The following FLNB variants were observed in gnomAD, a reference collection of about 807,000 sequenced individuals.
The protein encoded by FLNB is filamin B.
Under a neutral mutation model 250.6 loss-of-function variants are expected in FLNB, and 111 were observed. The ratio of observed to expected loss-of-function variants is 0.44; its 90% CI spans 0.38 to 0.52. The LOEUF is 0.52. Among genes scored for constraint, FLNB ranks in the 20% least tolerant of loss-of-function variants. The pLI is 0.00. For synonymous variants in FLNB, 1,302 were observed against 1,372.1 expected, an observed-to-expected ratio of 0.95 and a Z score of 1.13; for missense variants, 2,869 against 3,447.8, an observed-to-expected ratio of 0.83 and a Z score of 4.20.
rs1248934240 is a variant in FLNB at position 58,130,627 on chromosome 3, T to C, written c.4223-114T>C. The C allele has an allele frequency of 6.0e-6, 6 of 1,001,810 alleles. No individual in the cohort carries two copies. The East Asian group carries it at 1.0e-4, about 18-fold the overall frequency. The allele number at this position is 1,001,810 out of a possible 1,614,324, so 62.1% of individuals were successfully genotyped here. A position where few individuals can be genotyped will look rare whatever the true frequency, so the allele number is the denominator to read the frequency against. The stretch of plus-strand genomic sequence containing the variant: ...GTGCACACAGTGAGGCAGGGGGAGC[T>C]GACCGAGGCCTGCATGGCCGAGGTC... On this transcript the variant is annotated intron_variant, in intron 24 of 45. Transcript: ENST00000295956.
intron 29 of FLNB, among the ~76,000 whole-genome samples, chr3:58,140,798 G>A (rs1451821898): frequency 6.6e-6 from 1 of 152,062 alleles, no homozygotes; most frequent in Non-Finnish European, 1.5e-5. Flanking sequence ...TAGTAGAGAT[G>A]GGGTTTCACC....
chr3:58,022,026 G>T (rs772409103), intron 1 of FLNB, among the ~76,000 whole-genome samples: 2 of 152,146 alleles, frequency 1.3e-5, no homozygotes, highest in Non-Finnish European at 2.9e-5. Flanking sequence ...GCCTGCCTCA[G>T]CCTCCCAAAG....
At chr3:58,098,484 C>T (rs575311887) in intron 7 of FLNB, among the ~76,000 whole-genome samples, 1 of 152,318 alleles carries the variant, frequency 6.6e-6, no homozygotes, top group South Asian at 2.1e-4. Context: ...GCGTGCGCCA[C>T]CATGCTTGGC....
chr3:58,080,057 G>A (rs1345163824), intron 3 of FLNB, among the ~76,000 whole-genome samples: 4 of 152,094 alleles, frequency 2.6e-5, no homozygotes, highest in East Asian at 1.9e-4. Flanking sequence ...TCCTTTTTAC[G>A]TTCACGTGAT....
intron 1 of FLNB, among the ~76,000 whole-genome samples, chr3:58,070,285 C>G (rs1262735040): frequency 6.6e-6 from 1 of 152,044 alleles, no homozygotes; most frequent in Non-Finnish European, 1.5e-5. Context: ...CCTCAGTGAT[C>G]TGCCTGCCTC....
intron 4 of FLNB, among the ~76,000 whole-genome samples, chr3:58,091,865 G>C (rs1220295768): frequency 6.6e-6 from 1 of 152,124 alleles, no homozygotes; most frequent in Non-Finnish European, 1.5e-5. Context: ...TCAAAATGTT[G>C]CTGAGACTGG....
chr3:58,060,953 C>T (rs2097177662), intron 1 of FLNB, among the ~76,000 whole-genome samples: 1 of 152,160 alleles, frequency 6.6e-6, no homozygotes, highest in South Asian at 2.1e-4. Context: ...ATTGCTTGTC[C>T]AGGACGGGTG....
chr3:58,096,293 T>C (rs1337123587), intron 6 of FLNB, 75 bp downstream of exon 6: 8 of 1,055,768 alleles, frequency 7.6e-6, no homozygotes, highest in Non-Finnish European at 1.0e-5. Context: ...GGAAGAAGAG[T>C]GTTTTTCTTA....
At chr3:58,098,958 G>A (rs1272509038) in intron 8 of FLNB, 50 bp downstream of exon 8, 2 of 1,513,940 alleles carry the variant, frequency 1.3e-6, no homozygotes, top group Non-Finnish European at 1.8e-6. Flanking sequence ...GAAGCTGACT[G>A]CACAGCTGGG....
intron 1 of FLNB, among the ~76,000 whole-genome samples, chr3:58,039,831 A>T (rs965865040): frequency 1.3e-5 from 2 of 152,012 alleles, no homozygotes; most frequent in Admixed American, 1.3e-4. Context: ...GGAACATCTC[A>T]CGTTGTGAAG....
In FLNB at chr3:58,132,813, G is replaced by A. The variant is rs377463989; in HGVS notation, c.4396G>A (p.Val1466Met). The change falls in exon 26 of 46, where the codon GTG (valine) becomes ATG (methionine). Residue 1466 changes from valine to methionine, a missense_variant. Transcript: ENST00000295956. The part of the protein sequence containing the change: ...EVRVLGPRGL[V>M]EPVNVVDNGD... The stretch of plus-strand genomic sequence containing the variant: ...CCTCTCATCTCTGTCCTCAGGCTTG[G>A]TGGAGCCAGTGAACGTGGTGGACAA... 1.1e-5 allele frequency: 18 copies of A among 1,614,154 alleles called. No individual in the cohort carries two copies. The highest frequency in any genetic ancestry group is 1.5e-5 in the Non-Finnish European group (18 of 1,180,018).
Position 58,142,790 on chromosome 3 carries a change from G to T in FLNB, c.5284+38G>T. The T allele has an allele frequency of 6.5e-7, 1 of 1,548,192 alleles. No individual in the cohort carries two copies. The highest frequency in any genetic ancestry group is 8.9e-7 in the Non-Finnish European group (1 of 1,120,862). ...CATAAAGGCCGTCTCATTCTCACTT[G>T]CTCTCACGAGCTTCCCAGAATGGTG... On this transcript the variant is annotated intron_variant, in intron 31 of 45. Transcript: ENST00000295956. The surrounding 1 kb of genome is among the most constrained non-coding windows in gnomAD (Gnocchi z 4.3).
Position 58,127,154 on chromosome 3 carries a change from C to G in FLNB, c.4222+392C>G, listed in dbSNP as rs149895783. On this transcript the variant is annotated intron_variant, in intron 24 of 45. Coordinates refer to ENST00000295956, the MANE Select transcript of FLNB (RefSeq NM_001457.4). ...CCCAGGCAACATGGGGAATCCCCAT[C>G]TTTACAAGAAATACAAAACTTAGCT... Among the ~76,000 whole-genome samples, 832 of 152,224 alleles carry G rather than the reference C, an allele frequency of 5.5e-3. 4 individuals carry two copies. Among genetic ancestry groups the G allele is most frequent in the Non-Finnish European group, 7.5e-3 (508 of 68,010 alleles).
intron 10 of FLNB, among the ~76,000 whole-genome samples, chr3:58,104,540 G>A (rs1215433280): frequency 1.3e-5 from 2 of 152,170 alleles, no homozygotes. Flanking sequence ...GCCCCTCTGC[G>A]TTCTGTGTTT....
intron 4 of FLNB, among the ~76,000 whole-genome samples, chr3:58,086,880 T>C (rs900580497): frequency 3.3e-5 from 5 of 152,178 alleles, no homozygotes; most frequent in Admixed American, 3.3e-4. Context: ...TTTGGGAGGC[T>C]GAGGTGGGTG....
At chr3:58,139,653 A>G (rs1460496081) in intron 29 of FLNB, among the ~76,000 whole-genome samples, 1 of 152,218 alleles carries the variant, frequency 6.6e-6, no homozygotes, top group Non-Finnish European at 1.5e-5. Flanking sequence ...GACATTGTTC[A>G]TTTAAGAGTG....
At chr3:58,045,409 C>A (rs2097152278) in intron 1 of FLNB, among the ~76,000 whole-genome samples, 1 of 152,202 alleles carries the variant, frequency 6.6e-6, no homozygotes, top group African/African-American at 2.4e-5. Context: ...CCCAGGACAG[C>A]TCTGAATGCG....
At chr3:58,137,994 T>C (rs2097319465) in intron 28 of FLNB, among the ~76,000 whole-genome samples, 1 of 152,192 alleles carries the variant, frequency 6.6e-6, no homozygotes, top group African/African-American at 2.4e-5. Context: ...CCCAATATGT[T>C]TGCTATTGAA....
intron 1 of FLNB, among the ~76,000 whole-genome samples, chr3:58,060,968 T>A (rs2097177691): frequency 6.6e-6 from 1 of 152,106 alleles, no homozygotes; most frequent in Non-Finnish European, 1.5e-5. Context: ...CGGGTGTGTC[T>A]GGTGAGGAAT....
Sources: gnomAD v4.1 joint callset for allele counts (sites outside exome capture counted in the v4.1 genomes callset) on GRCh38, gnomAD v4.1.1 for gene constraint, Gnocchi (gnomAD v3.1) non-coding constraint, MANE v1.5 for transcripts, NCBI Gene and HGNC (gene_info 2026-07-23, HGNC 2026-07-21) for gene names.